Variants in WDR33 observed in about 807,000 individuals in gnomAD.
WDR33 encodes the protein pre-mRNA 3' end processing protein WDR33.
A neutral mutation model predicts 164.9 loss-of-function variants in WDR33; 47 were observed. The ratio of observed to expected loss-of-function variants is 0.29; its 90% CI spans 0.23 to 0.36. WDR33 has a LOEUF of 0.36. Ranked by LOEUF, WDR33 falls within the 10% of genes least tolerant of loss-of-function variation. WDR33 has a pLI of 1.00. For missense variants in WDR33, 1,137 were observed against 1,754.1 expected (o/e 0.65, Z 6.28); for synonymous variants, 505 against 589.0 (o/e 0.86, Z 2.06).
chr2:127,787,924 G>T (rs1688656380), intron 1 of WDR33, among the ~76,000 whole-genome samples: 1 of 57,448 alleles, frequency 1.7e-5, no homozygotes, highest in African/African-American at 1.1e-4. Context: ...GGACGGGGCG[G>T]CTGGCCGGGC....
In WDR33 at chr2:127,710,099, T is replaced by C. The variant is rs1686122439; in HGVS notation, c.3309-243A>G. ...TTACTTTAAGCTTCTTTTAGGCTTT[T>C]AGGTATATACAAGTATTACTTCATT... On this transcript the variant is annotated intron_variant, in intron 18 of 21. Transcript: ENST00000322313. This position sits in a 1 kb window ranked among gnomAD's most constrained non-coding sequence, Gnocchi z 4.4. Among the ~76,000 whole-genome samples, 1 of 152,242 alleles carries C rather than the reference T, an allele frequency of 6.6e-6. No individual in the cohort carries two copies. The highest frequency in any genetic ancestry group is 1.9e-4 in the East Asian group (1 of 5,202).
Position 127,763,217 on chromosome 2 carries a change from G to A in WDR33, c.627-58C>T. The A allele has an allele frequency of 1.9e-6, 3 of 1,612,412 alleles. No homozygotes were observed. The South Asian group carries it at 3.3e-5, about 18-fold the overall frequency. On this transcript the variant is annotated intron_variant, in intron 6 of 21. Transcript: ENST00000322313. The surrounding 1 kb of genome is among the most constrained non-coding windows in gnomAD (Gnocchi z 4.5). Reference sequence around the variant, plus strand: ...AGTCAGCATTTAACAGATAATCTGTGCTTCTCAGACAGGGAAAAATAAAAA... The same window carrying A: ...AGTCAGCATTTAACAGATAATCTGTACTTCTCAGACAGGGAAAAATAAAAA...
chr2:127,717,233 T>G lies in WDR33; in HGVS notation c.2791A>C (p.Ile931Leu). 1 of 1,605,224 alleles carries G rather than the reference T, an allele frequency of 6.2e-7. No homozygotes were observed. The highest frequency in any genetic ancestry group is 8.5e-7 in the Non-Finnish European group (1 of 1,176,118). The change falls in exon 17 of 22, where the codon ATA becomes CTA. Residue 931 changes from isoleucine to leucine, a missense_variant. This residue lies in a region of WDR33 where 867 missense variants were observed against 1,073.0 expected (regional missense o/e 0.81). Coordinates refer to ENST00000322313, the MANE Select transcript of WDR33 (RefSeq NM_018383.5). This position sits in a 1 kb window ranked among gnomAD's most constrained non-coding sequence, Gnocchi z 5.6. ...EGQSTGPPPL[I>L]PGLGQQGAQG... The stretch of plus-strand genomic sequence containing the variant: ...GCTCCCTGCTGCCCTAGGCCTGGTA[T>G]CAGGGGTGGGGGGCCTGTGCTCTGT...
chr2:127,730,489 G>A (rs1176878198), intron 7 of WDR33, among the ~76,000 whole-genome samples: 1 of 151,778 alleles, frequency 6.6e-6, no homozygotes, highest in East Asian at 1.9e-4. Flanking sequence ...ATATGTAAAA[G>A]ATGGCACTTA....
At chr2:127,753,593 C>T (rs1285103163) in intron 7 of WDR33, among the ~76,000 whole-genome samples, 1 of 152,142 alleles carries the variant, frequency 6.6e-6, no homozygotes, top group Non-Finnish European at 1.5e-5. Context: ...GACTAACATT[C>T]AGCTTCTAGA....
intron 7 of WDR33, among the ~76,000 whole-genome samples, chr2:127,757,790 C>T (rs1359324931): frequency 6.6e-6 from 1 of 152,072 alleles, no homozygotes; most frequent in East Asian, 1.9e-4. Flanking sequence ...AAAAAGCACC[C>T]ATTTTTTGGA....
At chr2:127,795,659 A>T (rs1210425555) in intron 1 of WDR33, among the ~76,000 whole-genome samples, 1 of 87,814 alleles carries the variant, frequency 1.1e-5, no homozygotes, top group Non-Finnish European at 2.4e-5. Context: ...CCTTTCTATA[A>T]AAAAAAAAAA....
Position 127,706,035 on chromosome 2 carries a change from G to A in WDR33, c.*288C>T, listed in dbSNP as rs1447804870. On this transcript the variant is annotated 3_prime_UTR_variant, in exon 22 of 22. Coordinates refer to ENST00000322313, the MANE Select transcript of WDR33 (RefSeq NM_018383.5). This position sits in a 1 kb window ranked among gnomAD's most constrained non-coding sequence, Gnocchi z 5.1. ...GACAGGAACTTAAATTTGTGGAGAT[G>A]CCCCATGTCTTGTGAGACTTAAAAA... The A allele has an allele frequency of 5.6e-6, 2 of 354,770 alleles. No homozygotes were observed. Among genetic ancestry groups the A allele is most frequent in the Admixed American group, 4.6e-5 (1 of 21,528 alleles). The allele number at this position is 354,770 out of a possible 1,614,324, so 22.0% of individuals were successfully genotyped here.
At position 127,709,689 on chromosome 2, in the gene WDR33, T is replaced by C. The variant is rs1409019963; in HGVS notation, c.3472+4A>G. 6.2e-7 allele frequency: 1 copy of C among 1,614,210 alleles called. No homozygotes were observed. On this transcript the variant is annotated splice_donor_region_variant and intron_variant, in intron 19 of 21. Transcript: ENST00000322313. This position sits in a 1 kb window ranked among gnomAD's most constrained non-coding sequence, Gnocchi z 5.0. ...AGACCAGGTGTCTTTAGTAACTCGC[T>C]CACCTCGTGGGGTACCCCGACCTCG...
rs2105396134 is a variant in WDR33, at chr2:127,735,941, G to A, written c.725-9164C>T. On this transcript the variant is annotated intron_variant, in intron 7 of 21. Coordinates refer to ENST00000322313, the MANE Select transcript of WDR33 (RefSeq NM_018383.5). The surrounding 1 kb of genome is among the most constrained non-coding windows in gnomAD (Gnocchi z 4.3). Reference sequence around the variant, plus strand: ...GAAAAACTATAGAATTAAATGGAAAGTTAATTCTGGAAAGGGGGTATGCCT... The same window carrying A: ...GAAAAACTATAGAATTAAATGGAAAATTAATTCTGGAAAGGGGGTATGCCT... 1 of 985,420 alleles carries A rather than the reference G, an allele frequency of 1.0e-6. No individual in the cohort carries two copies. Among genetic ancestry groups the A allele is most frequent in the Non-Finnish European group, 1.2e-6 (1 of 829,896 alleles). 61.0% of individuals were successfully genotyped at this position (985,420 alleles called of 1,614,324 possible).
At position 127,717,156 on chromosome 2, in the gene WDR33, T is replaced by C. The variant is rs780763187; in HGVS notation, c.2868A>G (p.Lys956=). The C allele has an allele frequency of 6.2e-7, 1 of 1,600,380 alleles. No homozygotes were observed. The highest frequency in any genetic ancestry group is 8.5e-7 in the Non-Finnish European group (1 of 1,172,326). Residue 956 remains lysine, a splice_region_variant and synonymous_variant, in exon 17 of 22, where the codon AAA becomes AAG. Transcript: ENST00000322313. The surrounding 1 kb of genome is among the most constrained non-coding windows in gnomAD (Gnocchi z 5.6). The part of the protein sequence containing the change: ...LNPGQGPGPN[K]GDSRGPPNHH... Reference sequence around the variant, plus strand: ...TTATTCAGCTGAGCAGATATTTACCTTTGTTGGGGCCAGGTCCTTGTCCGG... The same window carrying C: ...TTATTCAGCTGAGCAGATATTTACCCTTGTTGGGGCCAGGTCCTTGTCCGG...
At chr2:127,711,780 A>ATATATATATATTTTTTTTTTTTTTTTT in intron 18 of WDR33, among the ~76,000 whole-genome samples, 2 of 88,320 alleles carry the variant, frequency 2.3e-5, no homozygotes, top group African/African-American at 6.5e-5. Flanking sequence ...ATATATATAT[A>ATATATATATATTTTTTTTTTTTTTTTT]TTTTTTTTTT....
chr2:127,783,948 T>C (rs1186526020), intron 1 of WDR33, among the ~76,000 whole-genome samples: 1 of 151,792 alleles, frequency 6.6e-6, no homozygotes, highest in African/African-American at 2.4e-5. Context: ...TCCCCAAAAT[T>C]TTTGTTTACT....
intron 7 of WDR33, among the ~76,000 whole-genome samples, chr2:127,731,928 A>G (rs1242512326): frequency 6.6e-6 from 1 of 152,108 alleles, no homozygotes; most frequent in African/African-American, 2.4e-5. Context: ...TCTAGAAGAA[A>G]AACTTAAAAA....
Position 127,717,301 on chromosome 2 carries a change from A to G in WDR33, c.2761-38T>C. On this transcript the variant is annotated intron_variant, in intron 16 of 21. Coordinates refer to ENST00000322313, the MANE Select transcript of WDR33 (RefSeq NM_018383.5). The surrounding 1 kb of genome is among the most constrained non-coding windows in gnomAD (Gnocchi z 5.6). ...TTTTAAAGTAAGGGTATGAAATCACAGGCTTGAGCTACATAAATAGTGATT... is the reference window on the plus strand; with the variant it reads ...TTTTAAAGTAAGGGTATGAAATCACGGGCTTGAGCTACATAAATAGTGATT... 6.7e-7 allele frequency: 1 copy of G among 1,491,738 alleles called. No homozygotes were observed. Among genetic ancestry groups the G allele is most frequent in the Non-Finnish European group, 9.0e-7 (1 of 1,114,798 alleles). 92.4% of individuals were successfully genotyped at this position (1,491,738 alleles called of 1,614,324 possible).
At chr2:127,769,667 T>C (rs1216181275) in intron 2 of WDR33, among the ~76,000 whole-genome samples, 1 of 152,196 alleles carries the variant, frequency 6.6e-6, no homozygotes, top group African/African-American at 2.4e-5. Flanking sequence ...CTAGCCTACT[T>C]TCCCAATTGA....
Position 127,737,355 on chromosome 2 carries a change from G to A in WDR33, c.725-10578C>T, listed in dbSNP as rs1686876125. The stretch of plus-strand genomic sequence containing the variant: ...TAAGAAAGAGTACTCTGAGGTGTGT[G>A]TGTACATATGTGTGTGTGTATGTTC... On this transcript the variant is annotated intron_variant, in intron 7 of 21. Transcript: ENST00000322313. 4 of 985,304 alleles carry A rather than the reference G, an allele frequency of 4.1e-6. No homozygotes were observed. The South Asian group carries it at 1.9e-4, about 46-fold the overall frequency. 61.0% of individuals were successfully genotyped at this position (985,304 alleles called of 1,614,324 possible).
At position 127,726,003 on chromosome 2, in the gene WDR33, G is replaced by A. The variant is rs902703171; in HGVS notation, c.851+648C>T. 8.5e-5 allele frequency among the ~76,000 whole-genome samples: 13 copies of A among 152,118 alleles called. No homozygotes were observed. Among genetic ancestry groups the A allele is most frequent in the African/African-American group, 2.7e-4 (11 of 41,426 alleles). On this transcript the variant is annotated intron_variant, in intron 8 of 21. Transcript: ENST00000322313. The surrounding 1 kb of genome is among the most constrained non-coding windows in gnomAD (Gnocchi z 4.8). ...CTGCACAATGGATATCTCCAAGGGAGCATTCACAAGGCATTCCAGGTTGGC... is the reference window on the plus strand; with the variant it reads ...CTGCACAATGGATATCTCCAAGGGAACATTCACAAGGCATTCCAGGTTGGC...
In WDR33 at chr2:127,713,514, AC is replaced by A. The variant is rs1372361871; in HGVS notation, c.3308+68del. 2 of 1,518,046 alleles carry A rather than the reference AC, an allele frequency of 1.3e-6. No homozygotes were observed. Among genetic ancestry groups the A allele is most frequent in the South Asian group, 1.2e-5 (1 of 82,846 alleles). 94.0% of individuals were successfully genotyped at this position (1,518,046 alleles called of 1,614,324 possible). On this transcript the variant is annotated intron_variant, in intron 18 of 21. Transcript: ENST00000322313. This position sits in a 1 kb window ranked among gnomAD's most constrained non-coding sequence, Gnocchi z 6.2. ...TTTCCTCAAGAAAAAGAAGAAAGAG[AC>A]CTTTGTGGAGACAGCAGATAAAAAG...
Sources: gnomAD v4.1 joint callset for allele counts (sites outside exome capture counted in the v4.1 genomes callset) on GRCh38, gnomAD v4.1.1 for gene constraint, gnomAD v4.1.1 regional missense constraint, Gnocchi (gnomAD v3.1) non-coding constraint, MANE v1.5 for transcripts, NCBI Gene and HGNC (gene_info 2026-07-23, HGNC 2026-07-21) for gene names.